The following MYO15B variants were observed in gnomAD, a reference collection of about 807,000 sequenced individuals.
MYO15B encodes myosin XVB.
In MYO15B, 207 loss-of-function variants were observed where a neutral mutation model predicts 119.3. The ratio of observed to expected loss-of-function variants is 1.73; its 90% confidence interval spans 1.55 to 1.95. The LOEUF is 1.95. MYO15B is among the 30% of genes most tolerant of loss of function. The probability of loss-of-function intolerance (pLI) is 0.00; values close to 1 mark genes in which losing one functional copy is unlikely to be tolerated. For synonymous variants in MYO15B, 966 were observed against 498.9 expected (o/e 1.94, Z -12.48); for missense variants, 2,264 against 1,203.1 (o/e 1.88, Z -13.04).
chr17:75,588,267 T>C (rs1458599055), exon 1 of MYO15B: 1 of 398,208 alleles, frequency 2.5e-6, no homozygotes, highest in African/African-American at 2.1e-5. Flanking sequence ...GGAAGCCCAC[T>C]GCAGAGGGGA....
chr17:75,622,011 G>A lies in MYO15B; in HGVS notation c.8013G>A (p.Met2671Ile), dbSNP rs1009190379. ...TTCTTATCGTGCCTGCAGCCCTGATGCGGTTTATGGGTGACCAGTCCAAGC... is the reference window on the plus strand; with the variant it reads ...TTCTTATCGTGCCTGCAGCCCTGATACGGTTTATGGGTGACCAGTCCAAGC... Residue 2671 changes from methionine to isoleucine, a missense_variant, in exon 53 of 64, where the codon ATG becomes ATA. Physicochemically the swap from Met to Ile is conservative, Grantham distance 10. Coordinates refer to ENST00000645453, the Ensembl canonical transcript of MYO15B. 6 of 702,874 alleles carry A rather than the reference G, an allele frequency of 8.5e-6. No homozygotes were observed. In the African/African-American group the frequency reaches 8.7e-5, roughly 10 times the overall value. 43.5% of individuals were successfully genotyped at this position (702,874 alleles called of 1,614,324 possible).
intron 22 of MYO15B, 30 bp downstream of exon 22, chr17:75,610,289 G>A (rs2057940063): frequency 1.5e-6 from 1 of 669,932 alleles, no homozygotes; most frequent in Non-Finnish European, 2.7e-6. Context: ...GCGGTTCAGG[G>A]TAGAAGCCAG....
exon 50 of MYO15B, chr17:75,621,069 C>G (rs1487289033): frequency 1.4e-6 from 1 of 702,864 alleles, no homozygotes; most frequent in Admixed American, 2.0e-5. Flanking sequence ...ACAGTGACGA[C>G]TCGGAGGCCA....
At chr17:75,588,435 G>A (rs1220360478) in exon 1 of MYO15B, 24 of 398,392 alleles carry the variant, frequency 6.0e-5, no homozygotes, top group Middle Eastern at 6.2e-4. Flanking sequence ...GCCGCCGTAG[G>A]AGGAAGCGGA....
rs763865954 is a variant in MYO15B, at chr17:75,600,611, G to GTTTTTTTT, written c.3526-824_3526-823insTTTTTTTT. The stretch of plus-strand genomic sequence containing the variant: ...TCTTTTTTTTTTTTTTTGAGACGGA[G>GTTTTTTTT]TTTGGTTCTTGTTGCCCAGGCTGGA... On this transcript the variant is annotated intron_variant, in intron 14 of 63. Coordinates refer to ENST00000645453, the Ensembl canonical transcript of MYO15B. 2.9e-4 allele frequency: 40 copies of GTTTTTTTT among 135,790 alleles called. 3 individuals are homozygous for GTTTTTTTT. The highest frequency in any genetic ancestry group is 4.6e-4 in the Admixed American group (6 of 13,028). The allele number at this position is 135,790 out of a possible 1,614,324, so 8.4% of individuals were successfully genotyped here.
chr17:75,615,784 C>T (rs764305335), exon 36 of MYO15B: 4 of 702,516 alleles, frequency 5.7e-6, no homozygotes, highest in Admixed American at 4.0e-5. Context: ...GAGGCTGCGT[C>T]CCAGGCCTCA....
At chr17:75,602,621 AC>A (rs1416333842) in intron 16 of MYO15B, 27 bp downstream of exon 16, 4 of 649,952 alleles carry the variant, frequency 6.2e-6, no homozygotes, top group Non-Finnish European at 1.1e-5. Flanking sequence ...CCAGGCCCCC[AC>A]CCGCTCCATA....
intron 15 of MYO15B, 168 bp from the exon 16 acceptor site, chr17:75,602,349 G>C: frequency 1.4e-6 from 1 of 699,538 alleles, no homozygotes; most frequent in South Asian, 1.5e-5. Flanking sequence ...GGAATGGAAA[G>C]TCCAGTGGCA....
chr17:75,615,610 G>C lies in MYO15B; in HGVS notation c.5838+10G>C, dbSNP rs1182615576. The stretch of plus-strand genomic sequence containing the variant: ...GCAGGCGCTAATCCTGGTGAGCGCT[G>C]GCAGGGCCCTGGGGCCACCTGGTGG... On this transcript the variant is annotated intron_variant, in intron 35 of 63. Transcript: ENST00000645453. 1.4e-6 allele frequency: 1 copy of C among 692,604 alleles called. No individual in the cohort carries two copies. The highest frequency in any genetic ancestry group is 2.6e-6 in the Non-Finnish European group (1 of 379,430). 42.9% of individuals were successfully genotyped at this position (692,604 alleles called of 1,614,324 possible).
At chr17:75,618,998 T>TAGGC (rs1031817854) in intron 43 of MYO15B, 145 bp from the exon 44 acceptor site, 73 of 627,720 alleles carry the variant, frequency 1.2e-4, no homozygotes, top group Admixed American at 8.3e-4. Flanking sequence ...CTGCCCCACC[T>TAGGC]AGGCCCTCTG....
rs1199994801 is a variant in MYO15B, at chr17:75,602,606, C to T, written c.3729+12C>T. On this transcript the variant is annotated intron_variant, in intron 16 of 63. Transcript: ENST00000645453. Reference sequence around the variant, plus strand: ...AGAGCCAGCTCCAGGTGCCCATCTGCCCTTCCAGGCCCCCACCCGCTCCAT... The same window carrying T: ...AGAGCCAGCTCCAGGTGCCCATCTGTCCTTCCAGGCCCCCACCCGCTCCAT... The T allele has an allele frequency of 1.5e-6, 1 of 659,914 alleles. No homozygotes were observed. Among genetic ancestry groups the T allele is most frequent in the East Asian group, 2.7e-5 (1 of 37,040 alleles). The allele number at this position is 659,914 out of a possible 1,614,324, so 40.9% of individuals were successfully genotyped here. A position where few individuals can be genotyped will look rare whatever the true frequency, so the allele number is the denominator to read the frequency against.
chr17:75,591,423 T>A (rs1343217228), intron 4 of MYO15B, 177 bp downstream of exon 4: 5 of 617,414 alleles, frequency 8.1e-6, no homozygotes, highest in Non-Finnish European at 1.4e-5. Flanking sequence ...GAATGTGGCA[T>A]CTTGGGGACT....
intron 12 of MYO15B, 154 bp downstream of exon 12, chr17:75,595,126 C>T (rs779333262): frequency 2.3e-5 from 14 of 615,032 alleles, no homozygotes; most frequent in Non-Finnish European, 4.1e-5. Flanking sequence ...ATCTGCTGGG[C>T]TGAGCCTGCT....
At chr17:75,620,986 AG>A in intron 49 of MYO15B, 44 bp from the exon 50 acceptor site, 1 of 702,890 alleles carries the variant, frequency 1.4e-6, no homozygotes, top group Non-Finnish European at 2.6e-6. Flanking sequence ...CCCCTGGGAC[AG>A]GGCACTGGAC....
At chr17:75,620,274 G>C (rs1271282213) in exon 48 of MYO15B, 11 of 703,004 alleles carry the variant, frequency 1.6e-5, no homozygotes, top group Middle Eastern at 2.3e-4. Flanking sequence ...GCCCTGCGCA[G>C]CTACATCACT....
chr17:75,592,461 A>G (rs736521), exon 8 of MYO15B: 160,186 of 611,486 alleles, frequency 0.26, 21,703 homozygotes, highest in Middle Eastern at 0.29. Flanking sequence ...TGTTTTTTAC[A>G]AGCTGCTGGC....
chr17:75,613,538 C>T, intron 28 of MYO15B, 67 bp downstream of exon 28: 2 of 649,812 alleles, frequency 3.1e-6, no homozygotes, highest in South Asian at 3.3e-5. Context: ...CTTTGCCCTC[C>T]CTGGAACCCC....
rs942813553 is a variant in MYO15B at position 75,589,661 on chromosome 17, A to T, written c.1604A>T (p.Glu535Val). ...GTCCCCGGCGACCCTTTTGATCAGG[A>T]GGACGAGACTCCAGATCCCAAGTTC... The change falls in exon 1 of 64, where the codon GAG becomes GTG. Residue 535 changes from glutamate (E) to valine (V), a missense_variant. Coordinates refer to ENST00000645453, the Ensembl canonical transcript of MYO15B. The surrounding 1 kb of genome is among the most constrained non-coding windows in gnomAD (Gnocchi z 4.2). 2.5e-6 allele frequency: 1 copy of T among 398,816 alleles called. No individual in the cohort carries two copies. The highest frequency in any genetic ancestry group is 2.1e-5 in the African/African-American group (1 of 48,624). 24.7% of individuals were successfully genotyped at this position (398,816 alleles called of 1,614,324 possible). A position where few individuals can be genotyped will look rare whatever the true frequency, so the allele number is the denominator to read the frequency against.
intron 43 of MYO15B, among the ~76,000 whole-genome samples, chr17:75,618,547 G>A (rs1462452817): frequency 1.3e-5 from 2 of 152,238 alleles, no homozygotes; most frequent in Admixed American, 1.3e-4. Context: ...TACTTGGGAG[G>A]CTGAGGCAGG....
Sources: allele counts gnomAD v4.1 joint callset (sites outside exome capture counted in the v4.1 genomes callset), GRCh38; gene constraint gnomAD v4.1.1; non-coding constraint Gnocchi (gnomAD v3.1); transcripts MANE v1.5; gene names NCBI Gene and HGNC (gene_info 2026-07-23, HGNC 2026-07-21).